RARB: variants seen among roughly 807,000 people sequenced by gnomAD.
The protein encoded by RARB is retinoic acid receptor beta.
In RARB, 17 loss-of-function variants were observed where a neutral mutation model predicts 51.9. The ratio of observed to expected loss-of-function variants is 0.33; its 90% confidence interval spans 0.22 to 0.49. The LOEUF (loss-of-function observed/expected upper bound fraction) is 0.49. RARB is among the 20% of genes least tolerant of loss of function. The probability of loss-of-function intolerance (pLI) is 0.99; values close to 1 mark genes in which losing one functional copy is unlikely to be tolerated. For synonymous variants in RARB, 215 were observed against 195.4 expected, an observed-to-expected ratio of 1.10 and a Z score of -0.84; for missense variants, 369 against 550.8, an observed-to-expected ratio of 0.67 and a Z score of 3.30.
chr3:25,115,746 C>A (rs1425703117), intron 3 of RARB, among the ~76,000 whole-genome samples: 1 of 151,836 alleles, frequency 6.6e-6, no homozygotes, highest in African/African-American at 2.4e-5. Flanking sequence ...ATTGCAGCCT[C>A]AAGCTCCTGG....
intron 5 of RARB, among the ~76,000 whole-genome samples, chr3:25,328,131 A>G (rs1704779456): frequency 1.3e-5 from 2 of 152,264 alleles, no homozygotes; most frequent in African/African-American, 4.8e-5. Flanking sequence ...CCCATAAAGA[A>G]TATCAATATG....
chr3:25,473,408 G>A (rs555390907), intron 2 of RARB, among the ~76,000 whole-genome samples: 7 of 152,190 alleles, frequency 4.6e-5, no homozygotes, highest in South Asian at 4.1e-4. Context: ...CTGGCAGGCC[G>A]GCCCCATTAG....
Position 25,203,109 on chromosome 3 carries a change from G to A in RARB, c.178+28534G>A, listed in dbSNP as rs374049734. On this transcript the variant is annotated intron_variant, in intron 5 of 11. Transcript: ENST00000383772. ...TCTAAGGACTTGCTTTATGAATCTA[G>A]GTGCTCCTGTATTGGGTGCATATAT... is the stretch of plus-strand genomic sequence containing the variant. Among the ~76,000 whole-genome samples, 12 of 152,088 alleles carry A rather than the reference G, an allele frequency of 7.9e-5. No individual in the cohort carries two copies. The East Asian group carries it at 9.6e-4, about 12-fold the overall frequency.
chr3:25,359,714 GC>G (rs1705868136), intron 5 of RARB, among the ~76,000 whole-genome samples: 1 of 152,098 alleles, frequency 6.6e-6, no homozygotes, highest in Non-Finnish European at 1.5e-5. Flanking sequence ...ATTTATTTCT[GC>G]CTCAATTTTG....
At chr3:25,120,814 C>T (rs1699772334) in intron 3 of RARB, among the ~76,000 whole-genome samples, 1 of 152,118 alleles carries the variant, frequency 6.6e-6, no homozygotes, top group South Asian at 2.1e-4. Context: ...CACATCATTG[C>T]CCTTTGGCCG....
chr3:25,167,293 C>T (rs555480727), intron 4 of RARB, among the ~76,000 whole-genome samples: 1 of 152,246 alleles, frequency 6.6e-6, no homozygotes, highest in East Asian at 1.9e-4. Flanking sequence ...TTCCTGTTCT[C>T]AAATCTTCAC....
chr3:25,028,677 G>T (rs1697804292), intron 2 of RARB, among the ~76,000 whole-genome samples: 1 of 152,134 alleles, frequency 6.6e-6, no homozygotes, highest in African/African-American at 2.4e-5. Flanking sequence ...AGGAAACCTG[G>T]TTTACCGGGA....
intron 2 of RARB, among the ~76,000 whole-genome samples, chr3:25,030,253 CAT>C (rs1454744441): frequency 1.3e-5 from 2 of 152,236 alleles, no homozygotes; most frequent in Non-Finnish European, 2.9e-5. Flanking sequence ...TGCCCTTACA[CAT>C]GTTAAAGCCA....
intron 5 of RARB, among the ~76,000 whole-genome samples, chr3:25,210,568 C>A (rs1220164910): frequency 8.4e-5 from 3 of 35,664 alleles, no homozygotes; most frequent in South Asian, 1.8e-3. Context: ...TTGAGTCTCA[C>A]TCTGTTGCCC....
At chr3:25,390,214 C>T (rs192882186) in intron 5 of RARB, among the ~76,000 whole-genome samples, 13 of 152,232 alleles carry the variant, frequency 8.5e-5, no homozygotes, top group African/African-American at 2.6e-4. Flanking sequence ...GCCTGAAAGC[C>T]AGGTGCTGTG....
At chr3:25,012,630 C>T (rs1381358218) in intron 2 of RARB, among the ~76,000 whole-genome samples, 2 of 152,126 alleles carry the variant, frequency 1.3e-5, no homozygotes, top group South Asian at 2.1e-4. Context: ...CATATTTTGA[C>T]TTTCTAATGA....
intron 5 of RARB, among the ~76,000 whole-genome samples, chr3:25,389,406 C>G (rs184010791): frequency 6.6e-6 from 1 of 152,296 alleles, no homozygotes; most frequent in East Asian, 1.9e-4. Flanking sequence ...ATATCTGTCA[C>G]TGACTAGCTG....
intron 5 of RARB, among the ~76,000 whole-genome samples, chr3:25,325,004 G>C (rs769692480): frequency 6.6e-6 from 1 of 152,230 alleles, no homozygotes; most frequent in African/African-American, 2.4e-5. Context: ...AGTTTATTAG[G>C]AAGTGAAGAA....
chr3:25,520,263 C>T (rs958238906), intron 3 of RARB, among the ~76,000 whole-genome samples: 5 of 152,172 alleles, frequency 3.3e-5, no homozygotes, highest in Admixed American at 6.6e-5. Flanking sequence ...TTTAGTTCCA[C>T]GCCAAATATA....
intron 3 of RARB, among the ~76,000 whole-genome samples, chr3:25,563,183 T>C (rs957992311): frequency 1.3e-5 from 2 of 152,214 alleles, no homozygotes; most frequent in African/African-American, 2.4e-5. Context: ...CTGTCACCTT[T>C]TGAAGTACTT....
intron 3 of RARB, among the ~76,000 whole-genome samples, chr3:25,103,129 A>G (rs1487730730): frequency 1.3e-5 from 2 of 152,156 alleles, no homozygotes; most frequent in Non-Finnish European, 2.9e-5. Flanking sequence ...AGAAGTGGCT[A>G]AAAGGAGTTG....
At chr3:25,545,078 C>T (rs1228953398) in intron 3 of RARB, among the ~76,000 whole-genome samples, 1 of 152,134 alleles carries the variant, frequency 6.6e-6, no homozygotes, top group Non-Finnish European at 1.5e-5. Flanking sequence ...CCGCCTGCCT[C>T]AGCCTCCAAA....
intron 5 of RARB, among the ~76,000 whole-genome samples, chr3:25,339,822 T>C (rs1705176859): frequency 6.6e-6 from 1 of 152,122 alleles, no homozygotes; most frequent in Non-Finnish European, 1.5e-5. Context: ...ACTGCAATGC[T>C]TGGAAACCTA....
chr3:25,288,853 T>C (rs1638481767), intron 5 of RARB, among the ~76,000 whole-genome samples: 1 of 152,200 alleles, frequency 6.6e-6, no homozygotes, highest in African/African-American at 2.4e-5. Context: ...TCATTCCACT[T>C]GTTCTCTTCT....
Sources: allele counts gnomAD v4.1 joint callset (sites outside exome capture counted in the v4.1 genomes callset), GRCh38; gene constraint gnomAD v4.1.1; transcripts MANE v1.5; gene names NCBI Gene and HGNC (gene_info 2026-07-23, HGNC 2026-07-21).